The following KIRREL3 variants were observed in gnomAD, a reference collection of about 807,000 sequenced individuals.
The protein encoded by KIRREL3 is kin of IRRE-like protein 3.
KIRREL3 carries 36 observed loss-of-function variants against 89.7 expected under a neutral mutation model. That is an observed-to-expected ratio of 0.40 (90% CI 0.31 to 0.53). The LOEUF is 0.53. KIRREL3 is among the 20% of genes least tolerant of loss of function. The probability of loss-of-function intolerance (pLI) is 0.49; values close to 1 mark genes in which losing one functional copy is unlikely to be tolerated. For synonymous variants in KIRREL3, 445 were observed against 441.4 expected (o/e 1.01, Z -0.10); for missense variants, 864 against 1,056.6 (o/e 0.82, Z 2.53).
At chr11:126,827,270 C>T (rs1284255803) in intron 1 of KIRREL3, among the ~76,000 whole-genome samples, 1 of 152,058 alleles carries the variant, frequency 6.6e-6, no homozygotes, top group African/African-American at 2.4e-5. Flanking sequence ...CTCTGCCTCC[C>T]ATGTTCAAGT....
rs543413768 is a variant in KIRREL3, at chr11:126,860,913, C to T, written c.55+139542G>A. ...TACCTCCTTTGTACCACTCTTGGTACGTGCCACCTCCTATACAAAGCCTCT... is the reference window on the plus strand; with the variant it reads ...TACCTCCTTTGTACCACTCTTGGTATGTGCCACCTCCTATACAAAGCCTCT... On this transcript the variant is annotated intron_variant, in intron 1 of 16. Coordinates refer to ENST00000525144, the MANE Select transcript of KIRREL3 (RefSeq NM_032531.4). The surrounding 1 kb of genome is among the most constrained non-coding windows in gnomAD (Gnocchi z 4.6). 6.6e-5 allele frequency among the ~76,000 whole-genome samples: 10 copies of T among 152,270 alleles called. No homozygotes were observed. Among genetic ancestry groups the T allele is most frequent in the African/African-American group, 7.2e-5 (3 of 41,560 alleles).
chr11:126,837,672 C>G lies in KIRREL3; in HGVS notation c.55+162783G>C, dbSNP rs1943827056. On this transcript the variant is annotated intron_variant, in intron 1 of 16. Coordinates refer to ENST00000525144, the MANE Select transcript of KIRREL3 (RefSeq NM_032531.4). This position sits in a 1 kb window ranked among gnomAD's most constrained non-coding sequence, Gnocchi z 4.7. ...CTGAACTGAAGCATAGGTAGGCTAA[C>G]TAAAAGTAATTTTACAAAAGATGTC... Among the ~76,000 whole-genome samples the G allele has an allele frequency of 6.6e-6, 1 of 152,170 alleles. No homozygotes were observed. Among genetic ancestry groups the G allele is most frequent in the Admixed American group, 6.5e-5 (1 of 15,278 alleles).
At chr11:126,552,546 A>G (rs1939347902) in intron 2 of KIRREL3, among the ~76,000 whole-genome samples, 1 of 129,456 alleles carries the variant, frequency 7.7e-6, no homozygotes, top group Admixed American at 7.8e-5. Context: ...GGGGAGAGAG[A>G]AAAGTTTTTT....
chr11:126,583,230 G>A (rs1941650913), intron 1 of KIRREL3, among the ~76,000 whole-genome samples: 1 of 152,222 alleles, frequency 6.6e-6, no homozygotes, highest in African/African-American at 2.4e-5. Context: ...CTGAGCCAAG[G>A]GTATTGTGTG....
At position 126,491,317 on chromosome 11, in the gene KIRREL3, G is replaced by C. The variant is rs80282809; in HGVS notation, c.434-17851C>G. On this transcript the variant is annotated intron_variant, in intron 4 of 16. Transcript: ENST00000525144. This position sits in a 1 kb window ranked among gnomAD's most constrained non-coding sequence, Gnocchi z 5.5. ...AATGTAATGTGAGCCCAAGGAGGGC[G>C]GGCGCGTGCTGGCTCTGAGCGGGTG... 1.3e-5 allele frequency among the ~76,000 whole-genome samples: 2 copies of C among 152,218 alleles called. No individual in the cohort carries two copies. Among genetic ancestry groups the C allele is most frequent in the Non-Finnish European group, 2.9e-5 (2 of 68,046 alleles).
chr11:126,777,608 T>C (rs1950205464), intron 1 of KIRREL3, among the ~76,000 whole-genome samples: 1 of 152,212 alleles, frequency 6.6e-6, no homozygotes, highest in South Asian at 2.1e-4. Flanking sequence ...GAATGATTCA[T>C]GGAGAACAGA....
At chr11:126,939,896 G>C (rs994517457) in intron 1 of KIRREL3, among the ~76,000 whole-genome samples, 2 of 152,150 alleles carry the variant, frequency 1.3e-5, no homozygotes, top group African/African-American at 4.8e-5. Flanking sequence ...ACTTGAGTGA[G>C]CCACAGGTTC....
chr11:126,795,404 C>T lies in KIRREL3; in HGVS notation c.55+205051G>A, dbSNP rs2134372174. On this transcript the variant is annotated intron_variant, in intron 1 of 16. Coordinates refer to ENST00000525144, the MANE Select transcript of KIRREL3 (RefSeq NM_032531.4). This position sits in a 1 kb window ranked among gnomAD's most constrained non-coding sequence, Gnocchi z 4.1. ...TTATTTTTTGAGACAGAGTCTCAGT[C>T]TGTGACCCAGCCTGGAGTGCAGTGG... 6.6e-6 allele frequency among the ~76,000 whole-genome samples: 1 copy of T among 152,288 alleles called. No individual in the cohort carries two copies. The highest frequency in any genetic ancestry group is 1.5e-5 in the Non-Finnish European group (1 of 68,038).
intron 4 of KIRREL3, among the ~76,000 whole-genome samples, chr11:126,488,951 G>C (rs542349257): frequency 6.6e-6 from 1 of 152,346 alleles, no homozygotes; most frequent in South Asian, 2.1e-4. Flanking sequence ...ACGGGCCTCG[G>C]ACCCTGGATC....
intron 1 of KIRREL3, among the ~76,000 whole-genome samples, chr11:126,899,533 A>C (rs1458558987): frequency 6.6e-6 from 1 of 152,206 alleles, no homozygotes; most frequent in Non-Finnish European, 1.5e-5. Context: ...CCTTCCATCT[A>C]ACCAATTTGA....
intron 1 of KIRREL3, among the ~76,000 whole-genome samples, chr11:126,698,663 G>A (rs1277564905): frequency 1.3e-5 from 2 of 152,272 alleles, no homozygotes; most frequent in Non-Finnish European, 2.9e-5. Flanking sequence ...TGAAAGAGAA[G>A]AAGCCAGCCG....
chr11:126,698,924 C>T (rs533127579), intron 1 of KIRREL3, among the ~76,000 whole-genome samples: 30 of 152,304 alleles, frequency 2.0e-4, no homozygotes, highest in Non-Finnish European at 3.4e-4. Context: ...GCTTGCTCCA[C>T]GGGCAGGAGC....
At chr11:126,536,642 CTTTTTTTTTTTTTT>C (rs145142970) in intron 2 of KIRREL3, among the ~76,000 whole-genome samples, 1 of 77,166 alleles carries the variant, frequency 1.3e-5, no homozygotes, top group Non-Finnish European at 2.3e-5. Context: ...CTGGGCAATG[CTTTTTTTTTTTTTT>C]TTTTTTTTTT....
rs147112068 is a variant in KIRREL3 at position 126,832,304 on chromosome 11, A to G, written c.55+168151T>C. On this transcript the variant is annotated intron_variant, in intron 1 of 16. Coordinates refer to ENST00000525144, the MANE Select transcript of KIRREL3 (RefSeq NM_032531.4). The stretch of plus-strand genomic sequence containing the variant: ...TAGTGTAAGGCCAAGGGGTCAATGC[A>G]TGTTTGCTTTGAAAGTGAATCGCTC... 2.5e-3 allele frequency among the ~76,000 whole-genome samples: 377 copies of G among 152,316 alleles called. 3 individuals carry two copies. Among genetic ancestry groups the G allele is most frequent in the African/African-American group, 8.6e-3 (357 of 41,572 alleles).
In KIRREL3 at chr11:126,802,175, A is replaced by G. The variant is rs1475845043; in HGVS notation, c.55+198280T>C. Reference sequence around the variant, plus strand: ...CTGTCGTTTACCAGGTGCCTTAACCATCTGCTTGCAGTTTTTCTTCCTTTC... The same window carrying G: ...CTGTCGTTTACCAGGTGCCTTAACCGTCTGCTTGCAGTTTTTCTTCCTTTC... On this transcript the variant is annotated intron_variant, in intron 1 of 16. Transcript: ENST00000525144. The surrounding 1 kb of genome is among the most constrained non-coding windows in gnomAD (Gnocchi z 5.2). 1.3e-5 allele frequency among the ~76,000 whole-genome samples: 2 copies of G among 152,032 alleles called. No homozygotes were observed. The highest frequency in any genetic ancestry group is 2.9e-5 in the Non-Finnish European group (2 of 68,016).
At chr11:126,451,913 C>T (rs1264801325) in intron 7 of KIRREL3, among the ~76,000 whole-genome samples, 1 of 152,114 alleles carries the variant, frequency 6.6e-6, no homozygotes, top group Non-Finnish European at 1.5e-5. Flanking sequence ...TTGTTGCCTC[C>T]AGAAGCGTCA....
At chr11:126,775,132 A>G (rs1190645780) in intron 1 of KIRREL3, among the ~76,000 whole-genome samples, 1 of 152,290 alleles carries the variant, frequency 6.6e-6, no homozygotes, top group East Asian at 1.9e-4. Context: ...GTCCCAGAAC[A>G]GTTTCCCCTT....
Position 126,908,175 on chromosome 11 carries a change from G to A in KIRREL3, c.55+92280C>T, listed in dbSNP as rs58465581. Among the ~76,000 whole-genome samples the A allele has an allele frequency of 1.3e-5, 2 of 152,208 alleles. No homozygotes were observed. The highest frequency in any genetic ancestry group is 1.9e-4 in the East Asian group (1 of 5,186). ...GCAAATATCTGTTTTGTTTACTGCC[G>A]TATTTTCAGTGCCTAGGCACATAAT... On this transcript the variant is annotated intron_variant, in intron 1 of 16. Coordinates refer to ENST00000525144, the MANE Select transcript of KIRREL3 (RefSeq NM_032531.4). The surrounding 1 kb of genome is among the most constrained non-coding windows in gnomAD (Gnocchi z 4.2).
At chr11:126,473,599 G>A (rs779466617) in intron 4 of KIRREL3, 133 bp from the exon 5 acceptor site, 6 of 733,422 alleles carry the variant, frequency 8.2e-6, no homozygotes, top group African/African-American at 1.8e-5. Flanking sequence ...TCGTCCGCTT[G>A]TATCGTAATG....
Sources: gnomAD v4.1 joint callset for allele counts (sites outside exome capture counted in the v4.1 genomes callset) on GRCh38, gnomAD v4.1.1 for gene constraint, Gnocchi (gnomAD v3.1) non-coding constraint, MANE v1.5 for transcripts, NCBI Gene and HGNC (gene_info 2026-07-23, HGNC 2026-07-21) for gene names.